The following NRG3 variants were observed in gnomAD, a reference collection of about 807,000 sequenced individuals.
NRG3 encodes neuregulin 3, also known as pro-neuregulin-3, membrane-bound isoform.
Under a neutral mutation model 66.9 loss-of-function variants are expected in NRG3, and 31 were observed. The ratio of observed to expected loss-of-function variants is 0.46; its 90% CI spans 0.35 to 0.63. The LOEUF is 0.63. Ranked by LOEUF, NRG3 falls within the 20% of genes least tolerant of loss-of-function variation. The pLI is 0.00. For missense variants in NRG3, 910 were observed against 878.9 expected, an observed-to-expected ratio of 1.04 and a Z score of -0.45; for synonymous variants, 393 against 359.4, an observed-to-expected ratio of 1.09 and a Z score of -1.06.
chr10:82,760,049 G>A (rs1480974345), intron 3 of NRG3, among the ~76,000 whole-genome samples: 1 of 152,092 alleles, frequency 6.6e-6, no homozygotes, highest in Admixed American at 6.6e-5. Flanking sequence ...TTTATCAGAG[G>A]ATTAGGGTAA....
At chr10:82,259,820 T>C (rs747435231) in intron 1 of NRG3, among the ~76,000 whole-genome samples, 1 of 152,074 alleles carries the variant, frequency 6.6e-6, no homozygotes, top group Non-Finnish European at 1.5e-5. Flanking sequence ...TAGTCCCAAC[T>C]ACTCAGGAGG....
At chr10:82,160,405 A>G (rs1381848075) in intron 1 of NRG3, among the ~76,000 whole-genome samples, 1 of 152,020 alleles carries the variant, frequency 6.6e-6, no homozygotes, top group Non-Finnish European at 1.5e-5. Context: ...GGGAAAAGTC[A>G]TAGGATACTG....
chr10:82,309,840 C>T (rs570731167), intron 1 of NRG3, among the ~76,000 whole-genome samples: 2 of 152,316 alleles, frequency 1.3e-5, no homozygotes, highest in East Asian at 3.9e-4. Flanking sequence ...CATGTAAACT[C>T]AGCATCTGCC....
chr10:81,916,014 T>C (rs551686434), intron 1 of NRG3, among the ~76,000 whole-genome samples: 18 of 152,194 alleles, frequency 1.2e-4, no homozygotes, highest in Admixed American at 2.0e-4. Context: ...ACTTAACATA[T>C]CTAAATTATT....
At chr10:82,910,179 A>C (rs1576986) in intron 4 of NRG3, among the ~76,000 whole-genome samples, 45,312 of 152,104 alleles carry the variant, frequency 0.3, 7,074 homozygotes, top group East Asian at 0.54. Flanking sequence ...TAAAAGACAA[A>C]TTTGTAAAGA....
intron 1 of NRG3, among the ~76,000 whole-genome samples, chr10:82,206,545 G>A (rs1182999252): frequency 2.0e-5 from 3 of 152,104 alleles, no homozygotes; most frequent in African/African-American, 4.8e-5. Flanking sequence ...TTTCTCTTGT[G>A]TCTTCTAATC....
intron 1 of NRG3, among the ~76,000 whole-genome samples, chr10:81,888,732 G>A (rs574670600): frequency 5.9e-5 from 9 of 152,228 alleles, no homozygotes; most frequent in African/African-American, 2.2e-4. Flanking sequence ...TTGGAGCAGC[G>A]CCTGATTAAG....
chr10:82,005,897 TTG>T (rs58906037), intron 1 of NRG3, among the ~76,000 whole-genome samples: 5,735 of 148,792 alleles, frequency 0.039, 303 homozygotes, highest in African/African-American at 0.12. Context: ...AATGTGTATT[TTG>T]TGTGTGTGTG....
rs141029013 is a variant in NRG3 at position 82,829,064 on chromosome 10, T to C, written c.1028-36347T>C. Among the ~76,000 whole-genome samples the C allele has an allele frequency of 8.7e-4, 132 of 152,348 alleles. 1 individual carries two copies. The highest frequency in any genetic ancestry group is 2.9e-3 in the African/African-American group (122 of 41,584). Reference sequence around the variant, plus strand: ...TGTTTGACAGCCTGTGCTGCAGTTCTAGGTTCTAAGCATATACACCTTATA... The same window carrying C: ...TGTTTGACAGCCTGTGCTGCAGTTCCAGGTTCTAAGCATATACACCTTATA... On this transcript the variant is annotated intron_variant, in intron 3 of 8. Coordinates refer to ENST00000372141, the MANE Select transcript of NRG3 (RefSeq NM_001010848.4).
At chr10:82,608,829 C>G (rs1258679984) in intron 2 of NRG3, among the ~76,000 whole-genome samples, 2 of 152,112 alleles carry the variant, frequency 1.3e-5, no homozygotes, top group Non-Finnish European at 2.9e-5. Context: ...CCCCTGCCCC[C>G]TGACTCACAC....
intron 1 of NRG3, among the ~76,000 whole-genome samples, chr10:82,227,871 G>A (rs548860969): frequency 6.6e-6 from 1 of 152,108 alleles, no homozygotes; most frequent in Non-Finnish European, 1.5e-5. Context: ...CAAGGCTCTG[G>A]TGTTAGGGGC....
intron 6 of NRG3, among the ~76,000 whole-genome samples, chr10:82,960,556 A>G (rs1364862241): frequency 3.3e-5 from 5 of 150,990 alleles, no homozygotes; most frequent in African/African-American, 1.2e-4. Flanking sequence ...CAGGCTTCTG[A>G]GCCCAAGCTA....
intron 3 of NRG3, among the ~76,000 whole-genome samples, chr10:82,772,099 C>G (rs1371015166): frequency 6.6e-6 from 1 of 152,062 alleles, no homozygotes; most frequent in Non-Finnish European, 1.5e-5. Context: ...TTGATGTCTA[C>G]TTTTTTTCAA....
chr10:82,813,991 A>T (rs2061603228), intron 3 of NRG3, among the ~76,000 whole-genome samples: 1 of 152,214 alleles, frequency 6.6e-6, no homozygotes, highest in African/African-American at 2.4e-5. Context: ...GCTACTTAGA[A>T]GTTACTCGTA....
At chr10:82,358,347 A>C (rs1042973639) in intron 1 of NRG3, among the ~76,000 whole-genome samples, 1 of 152,188 alleles carries the variant, frequency 6.6e-6, no homozygotes, top group African/African-American at 2.4e-5. Context: ...TACATTGATC[A>C]GATGTTTAAT....
At chr10:82,916,504 A>C (rs1410099580) in intron 4 of NRG3, among the ~76,000 whole-genome samples, 3 of 152,214 alleles carry the variant, frequency 2.0e-5, no homozygotes, top group Non-Finnish European at 4.4e-5. Flanking sequence ...ACAGCAATGT[A>C]GCAAAGTTCC....
chr10:81,969,455 A>G (rs372107477), intron 1 of NRG3, among the ~76,000 whole-genome samples: 7 of 152,288 alleles, frequency 4.6e-5, no homozygotes, highest in African/African-American at 1.4e-4. Flanking sequence ...TGTAGACAGG[A>G]GGGACGAGCA....
intron 1 of NRG3, among the ~76,000 whole-genome samples, chr10:81,949,652 G>A (rs1849154442): frequency 1.3e-5 from 2 of 151,986 alleles, no homozygotes; most frequent in Non-Finnish European, 2.9e-5. Flanking sequence ...TAGGGAAGGG[G>A]CAATATGTGA....
chr10:82,020,145 A>G (rs527617954), intron 1 of NRG3, among the ~76,000 whole-genome samples: 2 of 152,264 alleles, frequency 1.3e-5, no homozygotes, highest in East Asian at 3.9e-4. Flanking sequence ...CATTTTAGAA[A>G]ATGCCAGGTT....
Sources: gnomAD v4.1 joint callset for allele counts (sites outside exome capture counted in the v4.1 genomes callset) on GRCh38, gnomAD v4.1.1 for gene constraint, MANE v1.5 for transcripts, NCBI Gene and HGNC (gene_info 2026-07-23, HGNC 2026-07-21) for gene names.